MGA: variants seen among roughly 807,000 people sequenced by gnomAD.
MGA encodes MAX gene-associated protein.
A neutral mutation model predicts 261.1 loss-of-function variants in MGA; 40 were observed. The observed-to-expected ratio is 0.15, with a 90% CI of 0.12 to 0.20. MGA has a LOEUF of 0.20. Ranked by LOEUF, MGA falls within the 10% of genes least tolerant of loss-of-function variation. The probability of loss-of-function intolerance (pLI) is 1.00; values close to 1 mark genes in which losing one functional copy is unlikely to be tolerated. For missense variants in MGA, 3,397 were observed against 3,630.5 expected (o/e 0.94, Z 1.65); for synonymous variants, 1,302 against 1,290.6 (o/e 1.01, Z -0.19).
chr15:41,729,348 A>G lies in MGA; in HGVS notation c.3842A>G (p.Lys1281Arg), dbSNP rs1567043135. 1 of 1,604,546 alleles carries G rather than the reference A, an allele frequency of 6.2e-7. No individual in the cohort carries two copies. The highest frequency in any genetic ancestry group is 1.8e-5 in the Admixed American group (1 of 56,988). The change falls in exon 11 of 24, where the codon AAG becomes AGG. Residue 1281 changes from lysine (K) to arginine (R), a missense_variant and splice_region_variant. This residue lies in a region of MGA where 1,410 missense variants were observed against 1,386.4 expected (regional missense o/e 1.02). Coordinates refer to ENST00000219905, the MANE Select transcript of MGA (RefSeq NM_001164273.2). ...AGCCCTGAGAACCATAATAATGCAA[A>G]GGTGAGTTTCTTGTTGCATAAGTTC...
chr15:41,727,143 A>C, intron 9 of MGA, 37 bp from the exon 10 acceptor site: 1 of 1,544,360 alleles, frequency 6.5e-7, no homozygotes, highest in South Asian at 1.2e-5. Context: ...TTTTGTTGCC[A>C]AAAGTACCTA....
chr15:41,688,167 C>T (rs113143303), intron 2 of MGA, among the ~76,000 whole-genome samples: 2,004 of 152,192 alleles, frequency 0.013, 50 homozygotes, highest in African/African-American at 0.046. Flanking sequence ...CATCTGCCTC[C>T]CGGGTTCAAG....
At chr15:41,700,048 T>TG (rs1351241647) in intron 5 of MGA, among the ~76,000 whole-genome samples, 5 of 142,738 alleles carry the variant, frequency 3.5e-5, no homozygotes, top group African/African-American at 1.3e-4. Flanking sequence ...GAGGTTTTTT[T>TG]TTTTTTTTTT....
At chr15:41,651,280 A>AG (rs1265722568) in intron 1 of MGA, among the ~76,000 whole-genome samples, 1 of 152,182 alleles carries the variant, frequency 6.6e-6, no homozygotes, top group African/African-American at 2.4e-5. Context: ...TTCAGACCAT[A>AG]GTACTTATGA....
intron 19 of MGA, chr15:41,760,063 TTCC>T: frequency 2.4e-6 from 1 of 423,620 alleles, no homozygotes; most frequent in Non-Finnish European, 4.3e-6. Flanking sequence ...ATACAATTTC[TTCC>T]TCATTTGAAA....
At chr15:41,625,186 C>T (rs1258560948) in intron 1 of MGA, among the ~76,000 whole-genome samples, 2 of 152,060 alleles carry the variant, frequency 1.3e-5, no homozygotes, top group Non-Finnish European at 2.9e-5. Context: ...ACTGTCGAGG[C>T]AAATCCATAA....
In MGA at chr15:41,713,528, A is replaced by G. The variant is rs1022634612; in HGVS notation, c.3430+32A>G. ...ATTAATTGAGAGTTAAAACTGTGCC[A>G]TATCAGTTTTTGGAAAAGTATGGTT... On this transcript the variant is annotated intron_variant, in intron 9 of 23. Coordinates refer to ENST00000219905, the MANE Select transcript of MGA (RefSeq NM_001164273.2). 3.4e-6 allele frequency: 5 copies of G among 1,488,874 alleles called. No homozygotes were observed. The African/African-American group carries it at 5.7e-5, about 17-fold the overall frequency. 92.2% of individuals were successfully genotyped at this position (1,488,874 alleles called of 1,614,324 possible).
rs376737706 is a variant in MGA at position 41,669,032 on chromosome 15, T to C, written c.138T>C (p.Asp46=). 1.5e-4 allele frequency: 242 copies of C among 1,613,624 alleles called. No individual in the cohort carries two copies. Among genetic ancestry groups the C allele is most frequent in the Admixed American group, 1.7e-4 (10 of 60,016 alleles). Residue 46 remains aspartate (D), a synonymous_variant, in exon 2 of 24, where the codon GAT becomes GAC. Transcript: ENST00000219905. ...AAGGAATTTTGGTTACTAATCAGGATGCCTGTGCTTTGGCTAGTAGTGTGT... is the reference window on the plus strand; with the variant it reads ...AAGGAATTTTGGTTACTAATCAGGACGCCTGTGCTTTGGCTAGTAGTGTGT...
chr15:41,669,137 C>T lies in MGA; in HGVS notation c.243C>T (p.Asn81=). The T allele has an allele frequency of 1.9e-6, 3 of 1,613,652 alleles. No individual in the cohort carries two copies. Among genetic ancestry groups the T allele is most frequent in the Non-Finnish European group, 2.5e-6 (3 of 1,179,618 alleles). The change falls in exon 2 of 24, where the codon AAC becomes AAT. Residue 81 remains asparagine (N), a synonymous_variant. Transcript: ENST00000219905. The stretch of plus-strand genomic sequence containing the variant: ...GTGGAATCACTGTTACCCTCGATAA[C>T]AATAGTATGTGGAATGAGTTCTATC...
chr15:41,629,943 A>G (rs2056552115), intron 1 of MGA, among the ~76,000 whole-genome samples: 1 of 152,178 alleles, frequency 6.6e-6, no homozygotes, highest in African/African-American at 2.4e-5. Flanking sequence ...GATGATTATA[A>G]TGTTACTAGG....
chr15:41,635,521 C>A (rs1450943580), intron 1 of MGA, among the ~76,000 whole-genome samples: 1 of 151,810 alleles, frequency 6.6e-6, no homozygotes, highest in Non-Finnish European at 1.5e-5. Context: ...TGAGACCCCC[C>A]CCCTCCTATA....
intron 16 of MGA, 75 bp from the exon 17 acceptor site, chr15:41,749,036 A>G (rs2151912424): frequency 6.5e-7 from 1 of 1,543,272 alleles, no homozygotes; most frequent in East Asian, 2.3e-5. Flanking sequence ...ACTTTTCCAA[A>G]AAGAAAAGCA....
At chr15:41,737,747 G>A (rs985909328) in intron 13 of MGA, among the ~76,000 whole-genome samples, 2 of 151,554 alleles carry the variant, frequency 1.3e-5, no homozygotes, top group African/African-American at 2.4e-5. Flanking sequence ...TTGGGAGGCC[G>A]AGGTGGTGGA....
At chr15:41,690,870 C>T (rs2059242549) in intron 2 of MGA, among the ~76,000 whole-genome samples, 1 of 151,774 alleles carries the variant, frequency 6.6e-6, no homozygotes, top group African/African-American at 2.4e-5. Flanking sequence ...CACAGTGGGA[C>T]CTTGTCTCAA....
At position 41,750,193 on chromosome 15, in the gene MGA, G is replaced by C. The variant is rs760908968; in HGVS notation, c.6586G>C (p.Glu2196Gln). Residue 2196 changes from glutamate (E) to glutamine (Q), a missense_variant, in exon 17 of 24, where the codon GAG becomes CAG. Transcript: ENST00000219905. The stretch of plus-strand genomic sequence containing the variant: ...TGGAGCTTCACAGGAATGTAAGAAA[G>C]AGGCAGACGAGCAGTTAATTAAAGA... The C allele has an allele frequency of 6.2e-7, 1 of 1,613,914 alleles. No homozygotes were observed. Among genetic ancestry groups the C allele is most frequent in the Non-Finnish European group, 8.5e-7 (1 of 1,179,888 alleles).
intron 20 of MGA, among the ~76,000 whole-genome samples, chr15:41,760,886 G>A (rs1026202278): frequency 1.1e-4 from 17 of 152,138 alleles, no homozygotes; most frequent in Non-Finnish European, 2.1e-4. Context: ...TCAGGCTTGC[G>A]CCACCACACC....
At chr15:41,753,938 G>GTTTT (rs2062995016) in intron 17 of MGA, among the ~76,000 whole-genome samples, 1 of 151,990 alleles carries the variant, frequency 6.6e-6, no homozygotes, top group Non-Finnish European at 1.5e-5. Context: ...AATTTGTTTT[G>GTTTT]AGACAGTCTT....
Position 41,688,204 on chromosome 15 carries a change from T to G in MGA, c.1065-7871T>G, listed in dbSNP as rs534742278. Among the ~76,000 whole-genome samples, 15 of 152,264 alleles carry G rather than the reference T, an allele frequency of 9.9e-5. No individual in the cohort carries two copies. The East Asian group carries it at 2.9e-3, about 29-fold the overall frequency. On this transcript the variant is annotated intron_variant, in intron 2 of 23. Transcript: ENST00000219905. ...GATTCTCCTGCCTCAGCTTCCCAAG[T>G]AGCTGTGATTACTGGCACACACTGC...
chr15:41,691,048 T>A (rs1189414928), intron 2 of MGA, among the ~76,000 whole-genome samples: 3 of 145,200 alleles, frequency 2.1e-5, no homozygotes, highest in Non-Finnish European at 4.5e-5. Flanking sequence ...AATTTTAGGG[T>A]CAGTTTGTCC....
Sources: allele counts gnomAD v4.1 joint callset (sites outside exome capture counted in the v4.1 genomes callset), GRCh38; gene constraint gnomAD v4.1.1; regional missense constraint gnomAD v4.1.1; transcripts MANE v1.5; gene names NCBI Gene and HGNC (gene_info 2026-07-23, HGNC 2026-07-21).